The following SBNO1 variants were observed in gnomAD, a reference collection of about 807,000 sequenced individuals.
SBNO1 encodes the protein protein strawberry notch homolog 1.
A neutral mutation model predicts 173.6 loss-of-function variants in SBNO1; 23 were observed. The ratio of observed to expected loss-of-function variants is 0.13; its 90% CI spans 0.10 to 0.19. SBNO1 has a LOEUF of 0.19. SBNO1 is among the 10% of genes least tolerant of loss of function. SBNO1 has a pLI of 1.00. For missense variants in SBNO1, 1,238 were observed against 1,671.2 expected (o/e 0.74, Z 4.52); for synonymous variants, 632 against 571.5 (o/e 1.11, Z -1.51).
At chr12:123,355,234 T>C (rs1470732229) in intron 1 of SBNO1, among the ~76,000 whole-genome samples, 2 of 152,110 alleles carry the variant, frequency 1.3e-5, no homozygotes, top group Non-Finnish European at 2.9e-5. Flanking sequence ...TTGGCCAGGA[T>C]GGTCTCGATC....
intron 1 of SBNO1, among the ~76,000 whole-genome samples, chr12:123,357,808 C>T (rs1044741839): frequency 7.2e-5 from 11 of 152,170 alleles, no homozygotes; most frequent in Non-Finnish European, 1.2e-4. Context: ...TCAACACCTA[C>T]CCTTCATAGG....
chr12:123,311,708 C>CTATATATATATA (rs1287595744), intron 24 of SBNO1, among the ~76,000 whole-genome samples: 1 of 62,314 alleles, frequency 1.6e-5, no homozygotes, highest in African/African-American at 5.9e-5. Flanking sequence ...ATCTATCTAT[C>CTATATATATATA]TATCTATCTA....
chr12:123,356,608 A>G (rs1488517969), intron 1 of SBNO1, among the ~76,000 whole-genome samples: 1 of 152,068 alleles, frequency 6.6e-6, no homozygotes, highest in African/African-American at 2.4e-5. Flanking sequence ...CACCCAGCTA[A>G]TTTTTTTGTA....
intron 17 of SBNO1, among the ~76,000 whole-genome samples, chr12:123,321,333 T>C (rs1044523959): frequency 6.6e-6 from 1 of 152,196 alleles, no homozygotes; most frequent in South Asian, 2.1e-4. Context: ...AAGTTAAAAA[T>C]AACTGCACAA....
At chr12:123,364,340 A>C (rs993012311) in intron 1 of SBNO1, 3 of 984,774 alleles carry the variant, frequency 3.0e-6, no homozygotes, top group African/African-American at 1.8e-5. Context: ...TGTGAGGCGG[A>C]AGCCAAAGGG....
chr12:123,301,735 C>G (rs1280883844), intron 30 of SBNO1, among the ~76,000 whole-genome samples: 7 of 151,994 alleles, frequency 4.6e-5, no homozygotes, highest in Admixed American at 1.3e-4. Flanking sequence ...ATCTGGGACA[C>G]CAGTAAAGCT....
chr12:123,360,744 G>A (rs1382648575), intron 1 of SBNO1, among the ~76,000 whole-genome samples: 6 of 151,902 alleles, frequency 3.9e-5, no homozygotes, highest in South Asian at 2.1e-4. Context: ...AAGCTTGGCC[G>A]AGACAAACCA....
chr12:123,296,555 G>GT (rs35125710), intron 31 of SBNO1, among the ~76,000 whole-genome samples: 72,611 of 140,320 alleles, frequency 0.52, 21,407 homozygotes, highest in East Asian at 0.76. Flanking sequence ...ATATATATGT[G>GT]TTTTTTTTTT....
Position 123,345,572 on chromosome 12 carries a change from T to C in SBNO1, c.238-2A>G, listed in dbSNP as rs899124754. The C allele has an allele frequency of 3.1e-6, 5 of 1,609,898 alleles. No individual in the cohort carries two copies. Among genetic ancestry groups the C allele is most frequent in the Admixed American group, 1.7e-5 (1 of 59,678 alleles). On this transcript the variant is annotated splice_acceptor_variant, in intron 3 of 31. Coordinates refer to ENST00000602398, the MANE Select transcript of SBNO1 (RefSeq NM_001167856.3). LOFTEE classifies it high-confidence loss of function. ...TGTTGTAGTAGATGGAGGCTGCTGC[T>C]AGATAGAAAACAAAAAACACACCAC... is the stretch of plus-strand genomic sequence containing the variant.
At chr12:123,311,350 AACTC>A (rs1868474371) in intron 24 of SBNO1, among the ~76,000 whole-genome samples, 3 of 152,196 alleles carry the variant, frequency 2.0e-5, no homozygotes, top group Admixed American at 2.0e-4. Flanking sequence ...GGACTGTATT[AACTC>A]TCTTCATTAT....
At chr12:123,345,596 A>G (rs1282036031) in intron 3 of SBNO1, 26 bp from the exon 4 acceptor site, 1 of 1,586,326 alleles carries the variant, frequency 6.3e-7, no homozygotes, top group Admixed American at 1.7e-5. Context: ...AAAACACACC[A>G]CTGAAAAATG....
At chr12:123,357,977 A>G (rs1334917955) in intron 1 of SBNO1, among the ~76,000 whole-genome samples, 4 of 152,198 alleles carry the variant, frequency 2.6e-5, no homozygotes, top group South Asian at 4.1e-4. Context: ...GATTATCACT[A>G]GTCAAATTCA....
chr12:123,335,571 G>A (rs1022220890), intron 6 of SBNO1, among the ~76,000 whole-genome samples: 1 of 152,206 alleles, frequency 6.6e-6, no homozygotes, highest in African/African-American at 2.4e-5. Flanking sequence ...AGCTTTTTCT[G>A]TAAAGGGTCA....
Position 123,313,730 on chromosome 12 carries a change from A to C in SBNO1, c.3121-11T>G. The C allele has an allele frequency of 1.3e-6, 2 of 1,529,618 alleles. No individual in the cohort carries two copies. The highest frequency in any genetic ancestry group is 1.8e-6 in the Non-Finnish European group (2 of 1,106,230). The allele number at this position is 1,529,618 out of a possible 1,614,324, so 94.8% of individuals were successfully genotyped here. On this transcript the variant is annotated splice_polypyrimidine_tract_variant and intron_variant, in intron 23 of 31. Transcript: ENST00000602398. ...AGCATTTCTTCCATACTGCAAAAAAAAATCAAAACCTTTAACCAGTTTCAG... is the reference window on the plus strand; with the variant it reads ...AGCATTTCTTCCATACTGCAAAAAACAATCAAAACCTTTAACCAGTTTCAG...
chr12:123,308,592 A>G (rs1243347967), intron 28 of SBNO1, among the ~76,000 whole-genome samples: 1 of 151,986 alleles, frequency 6.6e-6, no homozygotes, highest in Non-Finnish European at 1.5e-5. Flanking sequence ...AGAGAATGGC[A>G]TGAACCCGGG....
chr12:123,304,085 T>C (rs1343933090), intron 29 of SBNO1, among the ~76,000 whole-genome samples: 2 of 151,958 alleles, frequency 1.3e-5, no homozygotes, highest in East Asian at 1.9e-4. Flanking sequence ...CATGCAACAC[T>C]ACGCCTGGCT....
In SBNO1 at chr12:123,345,575, A is replaced by G. The variant is rs1290670712; in HGVS notation, c.238-5T>C. On this transcript the variant is annotated splice_polypyrimidine_tract_variant and splice_region_variant and intron_variant, in intron 3 of 31. Transcript: ENST00000602398. ...TGTAGTAGATGGAGGCTGCTGCTAG[A>G]TAGAAAACAAAAAACACACCACTGA... 1 of 1,609,228 alleles carries G rather than the reference A, an allele frequency of 6.2e-7. No individual in the cohort carries two copies. The highest frequency in any genetic ancestry group is 8.5e-7 in the Non-Finnish European group (1 of 1,176,538).
intron 20 of SBNO1, among the ~76,000 whole-genome samples, chr12:123,319,096 T>G (rs1362938543): frequency 6.6e-6 from 1 of 151,748 alleles, no homozygotes; most frequent in South Asian, 2.1e-4. Context: ...CCTGAGTAGC[T>G]GGGACTACAG....
intron 1 of SBNO1, chr12:123,364,253 G>C: frequency 3.0e-6 from 3 of 985,640 alleles, no homozygotes; most frequent in Non-Finnish European, 3.6e-6. Context: ...CGGGAGCAAT[G>C]CTGGGGCACG....
Sources: gnomAD v4.1 joint callset for allele counts (sites outside exome capture counted in the v4.1 genomes callset) on GRCh38, gnomAD v4.1.1 for gene constraint, MANE v1.5 for transcripts, NCBI Gene and HGNC (gene_info 2026-07-23, HGNC 2026-07-21) for gene names.